Variants in RPS13 observed in about 807,000 individuals in gnomAD.
RPS13 encodes ribosomal protein S13.
A neutral mutation model predicts 24.6 loss-of-function variants in RPS13; 1 was observed. That is an observed-to-expected ratio of 0.04 (90% confidence interval 0.01 to 0.19). RPS13 has a LOEUF of 0.19. RPS13 is among the 10% of genes least tolerant of loss of function. The pLI, the probability that RPS13 is intolerant of heterozygous loss-of-function variation, is 1.00. For synonymous variants in RPS13, 69 were observed against 65.3 expected (o/e 1.06, Z -0.27); for missense variants, 88 against 187.4 (o/e 0.47, Z 3.10).
chr11:17,075,138 T>C lies in RPS13; in HGVS notation c.381A>G (p.Arg127=), dbSNP rs1296866162. Residue 127 remains arginine, a synonymous_variant, in exon 5 of 6, where the codon CGA becomes CGG. Coordinates refer to ENST00000525634, the MANE Select transcript of RPS13 (RefSeq NM_001017.3). ...LIESRIHRLA[R]YYKTKRVLPP... ...GGAGGACTCGCTTGGTCTTATAATA[T>C]CGAGCCAAACGGTGAATCCGGCTCT... 2.5e-6 allele frequency: 4 copies of C among 1,612,030 alleles called. No homozygotes were observed. Among genetic ancestry groups the C allele is most frequent in the Middle Eastern group, 3.3e-4 (2 of 5,996 alleles).
chr11:17,077,439 C>T lies in RPS13; in HGVS notation c.62G>A (p.Ser21Asn), dbSNP rs751239686. 1 of 1,610,678 alleles carries T rather than the reference C, an allele frequency of 6.2e-7. No individual in the cohort carries two copies. Among genetic ancestry groups the T allele is most frequent in the South Asian group, 1.1e-5 (1 of 90,968 alleles). Reference sequence around the variant, plus strand: ...CAGCGCGCTACTTACAGTGGGGACGCTGCGTCGATAGGGTAAAGCCGACTG... The same window carrying T: ...CAGCGCGCTACTTACAGTGGGGACGTTGCGTCGATAGGGTAAAGCCGACTG... ...LSQSALPYRR[S>N]VPTWLKLTSD... The change falls in exon 2 of 6, where the codon AGC becomes AAC. Residue 21 changes from serine to asparagine, a missense_variant. Transcript: ENST00000525634.
intron 2 of RPS13, 74 bp from the exon 3 acceptor site, chr11:17,077,320 G>C (rs1848036787): frequency 1.3e-6 from 2 of 1,573,718 alleles, no homozygotes; most frequent in Non-Finnish European, 1.7e-6. Context: ...CTCTCCTTCC[G>C]CAAAACCGCG....
At chr11:17,077,572 T>G in intron 1 of RPS13, 47 bp downstream of exon 1, 1 of 1,592,324 alleles carries the variant, frequency 6.3e-7, no homozygotes, top group Non-Finnish European at 8.6e-7. Flanking sequence ...CTCCCTGTCT[T>G]CCTCCCACCC....
intron 3 of RPS13, 190 bp downstream of exon 3, chr11:17,076,978 G>T (rs945239388): frequency 6.8e-6 from 4 of 587,824 alleles, no homozygotes; most frequent in South Asian, 2.1e-5. Context: ...TGAAAGCCAT[G>T]AAGATTTATT....
Position 17,075,522 on chromosome 11 carries a change from G to T in RPS13, c.253C>A (p.Pro85Thr), listed in dbSNP as rs11550523. Residue 85 changes from proline to threonine, a missense_variant, in exon 4 of 6, where the codon CCT becomes ACT. Transcript: ENST00000525634. ...LKSKGLAPDLPEDLYHLIKKA... is the reference protein window; with the variant it reads ...LKSKGLAPDLTEDLYHLIKKA... The stretch of plus-strand genomic sequence containing the variant: ...TTAATTAAATGGTAGAGATCTTCAG[G>T]AAGATCAGGAGCAAGTCCCTTAGAC... The T allele has an allele frequency of 1.2e-6, 2 of 1,600,368 alleles. No homozygotes were observed. Among genetic ancestry groups the T allele is most frequent in the African/African-American group, 2.7e-5 (2 of 74,010 alleles).
chr11:17,075,992 T>TCTGACTACTTACAATCTATGACA, intron 3 of RPS13: 1 of 355,050 alleles, frequency 2.8e-6, no homozygotes, highest in Non-Finnish European at 5.5e-6. Flanking sequence ...TCTAATGAGC[T>TCTGACTACTTACAATCTATGACA]CTGACTACTT....
rs1243232654 is a variant in RPS13 at position 17,074,524 on chromosome 11, T to C, written c.423-58A>G. The C allele has an allele frequency of 2.4e-6, 3 of 1,269,226 alleles. No individual in the cohort carries two copies. In the African/African-American group the frequency reaches 4.4e-5, roughly 19 times the overall value. 78.6% of individuals were successfully genotyped at this position (1,269,226 alleles called of 1,614,324 possible). ...CAGGATTAATACTAGTCCCTCCACA[T>C]TCATTAACAGAATCTCCCCACTAAT... On this transcript the variant is annotated intron_variant, in intron 5 of 5. Coordinates refer to ENST00000525634, the MANE Select transcript of RPS13 (RefSeq NM_001017.3).
At position 17,076,092 on chromosome 11, in the gene RPS13, C is replaced by G. The variant is rs149824495; in HGVS notation, c.152-469G>C. ...ACAGATATTTTGCACCCCCCTCCCC[C>G]TTTTAAGAGGTGGGATCAGGTGGTG... On this transcript the variant is annotated intron_variant, in intron 3 of 5. Transcript: ENST00000525634. 4.2e-3 allele frequency: 1,141 copies of G among 271,112 alleles called. 9 individuals carry two copies. Among genetic ancestry groups the G allele is most frequent in the South Asian group, 7.6e-3 (234 of 30,894 alleles). 16.8% of individuals were successfully genotyped at this position (271,112 alleles called of 1,614,324 possible). A position where few individuals can be genotyped will look rare whatever the true frequency, so the allele number is the denominator to read the frequency against.
At chr11:17,074,809 TATCTA>T (rs1848001203) in intron 5 of RPS13, 1 of 657,944 alleles carries the variant, frequency 1.5e-6, no homozygotes, top group Non-Finnish European at 2.8e-6. Flanking sequence ...ATCTACCTAC[TATCTA>T]AAAGAGAGTC....
intron 3 of RPS13, chr11:17,076,554 C>CA (rs35594006): frequency 0.032 from 10,813 of 337,472 alleles, 30 homozygotes; most frequent in Non-Finnish European, 0.034. Flanking sequence ...AAGACTGTCT[C>CA]AAAAAAAAAA....
intron 3 of RPS13, 40 bp from the exon 4 acceptor site, chr11:17,075,663 C>G (rs1260641038): frequency 6.7e-7 from 1 of 1,483,008 alleles, no homozygotes; most frequent in Non-Finnish European, 9.2e-7. Flanking sequence ...ACACGAAACA[C>G]AAACTGGAGA....
Position 17,075,080 on chromosome 11 carries a change from A to T in RPS13, c.422+17T>A. 1 of 1,540,532 alleles carries T rather than the reference A, an allele frequency of 6.5e-7. No individual in the cohort carries two copies. Among genetic ancestry groups the T allele is most frequent in the Non-Finnish European group, 8.9e-7 (1 of 1,125,142 alleles). On this transcript the variant is annotated intron_variant, in intron 5 of 5. Transcript: ENST00000525634. Reference sequence around the variant, plus strand: ...ACTCCTATTCTTGATAACAACGACAAAAGAGTTGATACTTACTATTTCCAA... The same window carrying T: ...ACTCCTATTCTTGATAACAACGACATAAGAGTTGATACTTACTATTTCCAA...
chr11:17,077,573 C>CGGG, intron 1 of RPS13, 46 bp downstream of exon 1: 1 of 792,934 alleles, frequency 1.3e-6, no homozygotes, highest in Non-Finnish European at 2.1e-6. Context: ...TCCCTGTCTT[C>CGGG]CTCCCACCCC....
intron 5 of RPS13, 48 bp downstream of exon 5, chr11:17,075,049 T>A: frequency 7.9e-7 from 1 of 1,271,128 alleles, no homozygotes; most frequent in Non-Finnish European, 1.1e-6. Flanking sequence ...CTTTTACTAC[T>A]GGCTGACTCC....
chr11:17,076,411 C>G (rs968598841), intron 3 of RPS13: 3 of 295,610 alleles, frequency 1.0e-5, no homozygotes, highest in Non-Finnish European at 2.0e-5. Flanking sequence ...CACAAATTAG[C>G]TGGGCCTGCT....
chr11:17,076,554 CAAA>C (rs35594006), intron 3 of RPS13: 3,454 of 334,592 alleles, frequency 0.01, no homozygotes, highest in East Asian at 0.02. Context: ...AAGACTGTCT[CAAA>C]AAAAAAAAAA....
chr11:17,075,680 T>C (rs1345661223), intron 3 of RPS13, 57 bp from the exon 4 acceptor site: 1 of 1,381,678 alleles, frequency 7.2e-7, no homozygotes, highest in East Asian at 2.3e-5. Context: ...GAGAATGTGA[T>C]GATGTCAAGG....
chr11:17,074,754 G>C (rs1237473971), intron 5 of RPS13: 1 of 670,510 alleles, frequency 1.5e-6, no homozygotes, highest in Non-Finnish European at 2.7e-6. Context: ...AGCAATTCAT[G>C]TGAAAATTAA....
chr11:17,076,284 G>A (rs530930503), intron 3 of RPS13, among the ~76,000 whole-genome samples: 1 of 152,316 alleles, frequency 6.6e-6, no homozygotes, highest in East Asian at 1.9e-4. Context: ...TACTCCAGAG[G>A]CAGAGGCAGG....
Sources: allele counts gnomAD v4.1 joint callset (sites outside exome capture counted in the v4.1 genomes callset), GRCh38; gene constraint gnomAD v4.1.1; transcripts MANE v1.5; gene names NCBI Gene and HGNC (gene_info 2026-07-23, HGNC 2026-07-21).